Variants in MACROD2 observed in about 807,000 individuals in gnomAD.
MACROD2 encodes mono-ADP ribosylhydrolase 2, also known as ADP-ribose glycohydrolase MACROD2.
In MACROD2, 36 loss-of-function variants were observed where a neutral mutation model predicts 70.4. The ratio of observed to expected loss-of-function variants is 0.51; its 90% CI spans 0.39 to 0.68. The LOEUF (loss-of-function observed/expected upper bound fraction) is 0.68. MACROD2 is among the 30% of genes least tolerant of loss of function. The pLI, the probability that MACROD2 is intolerant of heterozygous loss-of-function variation, is 0.00. For missense variants in MACROD2, 496 were observed against 538.4 expected (o/e 0.92, Z 0.78); for synonymous variants, 172 against 178.8 (o/e 0.96, Z 0.30).
intron 8 of MACROD2, among the ~76,000 whole-genome samples, chr20:15,708,468 G>C (rs1347070492): frequency 6.6e-6 from 1 of 152,056 alleles, no homozygotes. Flanking sequence ...AGTGGGGACA[G>C]AGCACAGACA....
chr20:15,482,479 G>T (rs1384196500), intron 7 of MACROD2, among the ~76,000 whole-genome samples: 1 of 152,170 alleles, frequency 6.6e-6, no homozygotes, highest in Non-Finnish European at 1.5e-5. Flanking sequence ...CTCCTTCATT[G>T]CTGGTCTTGG....
intron 3 of MACROD2, among the ~76,000 whole-genome samples, chr20:14,336,151 A>AAGGCATTGCTAC (rs1271087164): frequency 6.6e-6 from 1 of 152,152 alleles, no homozygotes; most frequent in Non-Finnish European, 1.5e-5. Context: ...AGATAAATGA[A>AAGGCATTGCTAC]AGGCATTGCT....
chr20:14,230,840 A>G (rs986350601), intron 3 of MACROD2, among the ~76,000 whole-genome samples: 2 of 151,172 alleles, frequency 1.3e-5, no homozygotes, highest in Non-Finnish European at 2.9e-5. Flanking sequence ...TATTTCTTAC[A>G]AGAAGGCTTG....
intron 8 of MACROD2, among the ~76,000 whole-genome samples, chr20:15,505,084 C>G (rs138502540): frequency 1.3e-5 from 2 of 152,154 alleles, no homozygotes; most frequent in Admixed American, 6.5e-5. Flanking sequence ...GGCTATTGGT[C>G]TCTGAGACAA....
At chr20:15,078,612 T>G (rs900053871) in intron 5 of MACROD2, among the ~76,000 whole-genome samples, 7 of 152,192 alleles carry the variant, frequency 4.6e-5, no homozygotes, top group African/African-American at 1.7e-4. Flanking sequence ...TGTGTATTCT[T>G]CCCTGTTTTA....
chr20:14,914,353 T>C (rs1028372283), intron 5 of MACROD2, among the ~76,000 whole-genome samples: 2 of 152,164 alleles, frequency 1.3e-5, no homozygotes, highest in African/African-American at 4.8e-5. Context: ...TAGTGTGTGG[T>C]GGTAATGCAT....
chr20:15,964,274 A>T (rs1334334694), intron 12 of MACROD2, among the ~76,000 whole-genome samples: 1 of 152,178 alleles, frequency 6.6e-6, no homozygotes, highest in Non-Finnish European at 1.5e-5. Context: ...TGGGTGGCTT[A>T]TAAGCAAAAG....
intron 5 of MACROD2, among the ~76,000 whole-genome samples, chr20:14,937,232 A>G (rs1329217364): frequency 4.0e-5 from 6 of 151,626 alleles, no homozygotes; most frequent in South Asian, 2.1e-4. Context: ...AAGGTCTGGG[A>G]GTGTGAGTGG....
chr20:15,746,884 C>T (rs1055524996), intron 8 of MACROD2, among the ~76,000 whole-genome samples: 1 of 152,056 alleles, frequency 6.6e-6, no homozygotes, highest in Non-Finnish European at 1.5e-5. Context: ...TCAAGATTTT[C>T]GTCAATAGTG....
Position 15,759,946 on chromosome 20 carries a change from G to T in MACROD2, c.646-102799G>T, listed in dbSNP as rs187120199. Among the ~76,000 whole-genome samples the T allele has an allele frequency of 8.5e-5, 13 of 152,220 alleles. No individual in the cohort carries two copies. In the East Asian group the frequency reaches 1.9e-3, roughly 23 times the overall value. On this transcript the variant is annotated intron_variant, in intron 8 of 17. Transcript: ENST00000684519. ...AGCTGCCTTTCCCAAGAGGAGAACT[G>T]AATTTTTGCCGCGTAAAGCTTCAGA...
chr20:15,917,606 C>T (rs555288873), intron 10 of MACROD2, among the ~76,000 whole-genome samples: 76 of 152,214 alleles, frequency 5.0e-4, no homozygotes, highest in Admixed American at 1.3e-3. Context: ...TTTTCTAGAA[C>T]GTCAGCATGC....
intron 3 of MACROD2, among the ~76,000 whole-genome samples, chr20:14,446,975 A>T (rs2084189682): frequency 6.6e-6 from 1 of 152,088 alleles, no homozygotes; most frequent in Non-Finnish European, 1.5e-5. Context: ...TATATATCAG[A>T]TACTGAAATG....
intron 3 of MACROD2, among the ~76,000 whole-genome samples, chr20:14,352,955 C>G (rs2122699119): frequency 1.3e-5 from 2 of 152,276 alleles, no homozygotes; most frequent in Non-Finnish European, 2.9e-5. Context: ...CTCATCCACT[C>G]ACCTCTTTCC....
intron 3 of MACROD2, among the ~76,000 whole-genome samples, chr20:14,147,851 C>T (rs539214814): frequency 6.6e-6 from 1 of 152,132 alleles, no homozygotes; most frequent in East Asian, 1.9e-4. Context: ...TTAGAACCCT[C>T]ATGCTGATCT....
intron 5 of MACROD2, among the ~76,000 whole-genome samples, chr20:14,710,366 A>G (rs2071323558): frequency 1.3e-5 from 2 of 152,202 alleles, no homozygotes; most frequent in Non-Finnish European, 2.9e-5. Flanking sequence ...AGACCCTTTA[A>G]ATGAATTTTC....
intron 8 of MACROD2, among the ~76,000 whole-genome samples, chr20:15,638,718 C>G (rs968550012): frequency 6.6e-6 from 1 of 152,166 alleles, no homozygotes; most frequent in Non-Finnish European, 1.5e-5. Context: ...ATTATAAAAT[C>G]AGAATTCTAC....
At chr20:14,183,063 T>A (rs551202841) in intron 3 of MACROD2, among the ~76,000 whole-genome samples, 1 of 145,960 alleles carries the variant, frequency 6.9e-6, no homozygotes, top group East Asian at 2.1e-4. Flanking sequence ...ATGTAACCTA[T>A]TTGTTACATA....
intron 3 of MACROD2, among the ~76,000 whole-genome samples, chr20:14,467,428 A>T (rs188680837): frequency 8.5e-5 from 13 of 152,224 alleles, no homozygotes; most frequent in African/African-American, 3.1e-4. Flanking sequence ...TCCAGGTGCC[A>T]TCTGTCACCC....
At chr20:15,838,004 A>C (rs578061033) in intron 8 of MACROD2, among the ~76,000 whole-genome samples, 83 of 152,270 alleles carry the variant, frequency 5.5e-4, no homozygotes, top group African/African-American at 1.9e-3. Flanking sequence ...AGTAGGAACT[A>C]TCACCTTACC....
Sources: allele counts gnomAD v4.1 joint callset (sites outside exome capture counted in the v4.1 genomes callset), GRCh38; gene constraint gnomAD v4.1.1; transcripts MANE v1.5; gene names NCBI Gene and HGNC (gene_info 2026-07-23, HGNC 2026-07-21).